TBC1D5: variants seen among roughly 807,000 people sequenced by gnomAD.
TBC1D5 encodes TBC1 domain family, member 5.
A neutral mutation model predicts 100.3 loss-of-function variants in TBC1D5; 75 were observed. That is an observed-to-expected ratio of 0.75 (90% CI 0.62 to 0.91). The LOEUF is 0.91. Among genes scored for constraint, TBC1D5 ranks in the 40% least tolerant of loss-of-function variants. TBC1D5 has a pLI of 0.00. For missense variants in TBC1D5, 910 were observed against 942.4 expected (o/e 0.97, Z 0.45); for synonymous variants, 323 against 325.6 (o/e 0.99, Z 0.09).
intron 2 of TBC1D5, among the ~76,000 whole-genome samples, chr3:17,527,659 T>A (rs1298478183): frequency 6.6e-6 from 1 of 152,012 alleles, no homozygotes; most frequent in Non-Finnish European, 1.5e-5. Context: ...GACTATGGTA[T>A]ATGAGAAAGT....
intron 2 of TBC1D5, among the ~76,000 whole-genome samples, chr3:17,582,746 T>A: frequency 6.8e-6 from 1 of 146,742 alleles, no homozygotes; most frequent in African/African-American, 2.5e-5. Context: ...GAATGGCAAT[T>A]TAAACTCTGA....
chr3:17,623,118 G>A (rs865815328), intron 2 of TBC1D5, among the ~76,000 whole-genome samples: 1 of 152,170 alleles, frequency 6.6e-6, no homozygotes, highest in South Asian at 2.1e-4. Flanking sequence ...CATACACACA[G>A]AGAAAATGAA....
intron 15 of TBC1D5, among the ~76,000 whole-genome samples, chr3:17,284,479 T>C (rs2080965715): frequency 6.6e-6 from 1 of 152,190 alleles, no homozygotes. Context: ...TGCTTAATTG[T>C]TTATTATGGT....
rs148650266 is a variant in TBC1D5 at position 17,185,873 on chromosome 3, A to T, written c.1753-665T>A. Among the ~76,000 whole-genome samples the T allele has an allele frequency of 1.7e-3, 254 of 152,128 alleles. 1 individual carries two copies. The highest frequency in any genetic ancestry group is 5.7e-3 in the African/African-American group (237 of 41,540). The stretch of plus-strand genomic sequence containing the variant: ...ATACTTCATTTATTTGTTTGTTTCT[A>T]GGAAAAAGTACTCTGGGTTGAATAA... On this transcript the variant is annotated intron_variant, in intron 18 of 21. Coordinates refer to ENST00000253692, the Ensembl canonical transcript of TBC1D5.
At chr3:17,329,484 T>C (rs373602358) in intron 13 of TBC1D5, among the ~76,000 whole-genome samples, 10 of 152,110 alleles carry the variant, frequency 6.6e-5, no homozygotes, top group Admixed American at 2.6e-4. Flanking sequence ...TCAGTAACTA[T>C]TGGTGGAAAC....
At chr3:17,568,993 C>A (rs1347074855) in intron 2 of TBC1D5, among the ~76,000 whole-genome samples, 1 of 151,728 alleles carries the variant, frequency 6.6e-6, no homozygotes, top group African/African-American at 2.4e-5. Flanking sequence ...ACAAAATACA[C>A]AGGTATATGG....
chr3:17,200,151 C>T (rs946287387), intron 18 of TBC1D5, among the ~76,000 whole-genome samples: 2 of 152,138 alleles, frequency 1.3e-5, no homozygotes, highest in Non-Finnish European at 2.9e-5. Context: ...TTGTTCTTGG[C>T]TTATTATAAA....
intron 2 of TBC1D5, chr3:17,524,717 A>T (rs972709391): frequency 2.6e-5 from 4 of 152,074 alleles, no homozygotes; most frequent in African/African-American, 9.7e-5. Flanking sequence ...AAAAAAAATT[A>T]GCCAGATATA....
chr3:17,436,395 G>T (rs1206776961), intron 3 of TBC1D5, among the ~76,000 whole-genome samples: 1 of 152,104 alleles, frequency 6.6e-6, no homozygotes, highest in Non-Finnish European at 1.5e-5. Context: ...TTATAATACT[G>T]GTTCTAGTAG....
At chr3:17,272,271 T>C (rs1396943431) in intron 15 of TBC1D5, among the ~76,000 whole-genome samples, 1 of 152,100 alleles carries the variant, frequency 6.6e-6, no homozygotes, top group African/African-American at 2.4e-5. Flanking sequence ...CAATAGACAA[T>C]TTTTTTAAAA....
intron 2 of TBC1D5, among the ~76,000 whole-genome samples, chr3:17,585,905 GA>G (rs1263561524): frequency 1.9e-4 from 29 of 152,016 alleles, no homozygotes; most frequent in Non-Finnish European, 2.9e-5. Context: ...TTATCTATCT[GA>G]TATACCTCCA....
intron 1 of TBC1D5, chr3:17,706,143 C>T (rs917965761): frequency 1.4e-5 from 23 of 1,595,016 alleles, no homozygotes; most frequent in Non-Finnish European, 1.9e-5. Flanking sequence ...GAGGCAAAGG[C>T]TGCAGTTGAT....
chr3:17,561,660 G>A (rs2096560157), intron 2 of TBC1D5, among the ~76,000 whole-genome samples: 1 of 152,084 alleles, frequency 6.6e-6, no homozygotes, highest in Admixed American at 6.6e-5. Flanking sequence ...GGAGTATTAT[G>A]TACAGCTTTA....
intron 8 of TBC1D5, among the ~76,000 whole-genome samples, chr3:17,393,010 C>A (rs4615062): frequency 0.43 from 62,677 of 145,524 alleles, 13,604 homozygotes; most frequent in African/African-American, 0.5. Flanking sequence ...ACATCCTCTC[C>A]AGCATCTATT....
intron 2 of TBC1D5, among the ~76,000 whole-genome samples, chr3:17,528,891 CTA>C (rs960053790): frequency 2.6e-5 from 4 of 152,180 alleles, no homozygotes; most frequent in African/African-American, 4.8e-5. Context: ...CTTCATCAGT[CTA>C]TATGTCTTTT....
Position 17,624,507 on chromosome 3 carries a change from A to G in TBC1D5, c.-100-594T>C, listed in dbSNP as rs578101089. On this transcript the variant is annotated intron_variant, in intron 1 of 21. Coordinates refer to ENST00000253692, the Ensembl canonical transcript of TBC1D5. ...AAAAACTAATACTGTAGCATCTGGGAGTGATATATAAAATGCAGAAATACA... is the reference window on the plus strand; with the variant it reads ...AAAAACTAATACTGTAGCATCTGGGGGTGATATATAAAATGCAGAAATACA... 3.3e-5 allele frequency among the ~76,000 whole-genome samples: 5 copies of G among 152,208 alleles called. No individual in the cohort carries two copies. In the South Asian group the frequency reaches 8.3e-4, roughly 25 times the overall value.
intron 18 of TBC1D5, among the ~76,000 whole-genome samples, chr3:17,189,917 T>C (rs1264674738): frequency 1.3e-5 from 2 of 152,246 alleles, no homozygotes; most frequent in African/African-American, 4.8e-5. Flanking sequence ...TTGTTGTTTG[T>C]TGAATGATTT....
chr3:17,692,585 C>T (rs553777543), intron 1 of TBC1D5, among the ~76,000 whole-genome samples: 2 of 152,258 alleles, frequency 1.3e-5, no homozygotes, highest in East Asian at 3.9e-4. Flanking sequence ...ATACAGGAGA[C>T]CGTTTTTTAA....
intron 1 of TBC1D5, among the ~76,000 whole-genome samples, chr3:17,726,600 A>G (rs1227316144): frequency 3.3e-5 from 5 of 152,114 alleles, no homozygotes; most frequent in Non-Finnish European, 5.9e-5. Flanking sequence ...TTCCTTATTG[A>G]TTCTGGATAT....
Sources: allele counts gnomAD v4.1 joint callset (sites outside exome capture counted in the v4.1 genomes callset), GRCh38; gene constraint gnomAD v4.1.1; transcripts MANE v1.5; gene names NCBI Gene and HGNC (gene_info 2026-07-23, HGNC 2026-07-21).